SYTL5: variants seen among roughly 807,000 people sequenced by gnomAD.
The protein encoded by SYTL5 is synaptotagmin-like protein 5.
A neutral mutation model predicts 55.9 loss-of-function variants in SYTL5; 34 were observed. The ratio of observed to expected loss-of-function variants is 0.61; its 90% confidence interval spans 0.46 to 0.81. The LOEUF is 0.81. SYTL5 is among the 30% of genes least tolerant of loss of function. The pLI is 0.00. For missense variants in SYTL5, 637 were observed against 546.7 expected (o/e 1.17, Z -1.65); for synonymous variants, 221 against 188.7 (o/e 1.17, Z -1.40).
chrX:37,903,398 T>C, the SYTL5 span, among the ~76,000 whole-genome samples: 1 of 107,801 alleles, frequency 9.3e-6, no homozygotes, highest in African/African-American at 3.4e-5. Context: ...ATGTCCTTTG[T>C]AGGGACATGG....
chrX:38,100,697 G>A (rs1301622649), intron 9 of SYTL5, among the ~76,000 whole-genome samples: 3 of 111,359 alleles, frequency 2.7e-5, no homozygotes, highest in Non-Finnish European at 5.7e-5. Context: ...CTACTGGTTA[G>A]ACTGTAAATT....
At chrX:37,938,922 C>T in the SYTL5 span, among the ~76,000 whole-genome samples, 1 of 111,610 alleles carries the variant, frequency 9.0e-6, no homozygotes, top group Non-Finnish European at 1.9e-5. Flanking sequence ...TTCAAATGAG[C>T]CTGCATTAAT....
chrX:38,023,244 T>C (rs1934623021), intron 1 of SYTL5, among the ~76,000 whole-genome samples: 3 of 112,175 alleles, frequency 2.7e-5, no homozygotes, highest in Non-Finnish European at 5.6e-5. Context: ...ATCTTCCCTA[T>C]TGTTTTCTTC....
At chrX:38,111,858 G>A (rs1937368444) in intron 13 of SYTL5, among the ~76,000 whole-genome samples, 1 of 112,174 alleles carries the variant, frequency 8.9e-6, no homozygotes, top group Middle Eastern at 4.6e-3. Context: ...ATATACCCTG[G>A]TTCTGAAGAA....
chrX:37,987,181 C>CTTAAAATAACAT, the SYTL5 span, among the ~76,000 whole-genome samples: 1 of 111,904 alleles, frequency 8.9e-6, no homozygotes, highest in Admixed American at 9.5e-5. Context: ...AAATTACATC[C>CTTAAAATAACAT]TTAAAATAAC....
intron 3 of SYTL5, among the ~76,000 whole-genome samples, chrX:38,071,395 C>T (rs35712336): frequency 0.049 from 5,511 of 111,403 alleles, 114 homozygotes; most frequent in Middle Eastern, 0.088. Context: ...ACTTCCACCA[C>T]CTATGATCTG....
intron 2 of SYTL5, among the ~76,000 whole-genome samples, chrX:38,037,504 TA>T (rs1935139931): frequency 8.9e-6 from 1 of 111,980 alleles, no homozygotes; most frequent in South Asian, 3.7e-4. Flanking sequence ...AGCATTAAAA[TA>T]AAGAATTTTG....
At chrX:38,115,152 A>G (rs1027260464) in intron 13 of SYTL5, among the ~76,000 whole-genome samples, 1 of 111,824 alleles carries the variant, frequency 8.9e-6, no homozygotes, top group African/African-American at 3.3e-5. Flanking sequence ...ATTGTGAATC[A>G]CGCTGCAATG....
At chrX:37,895,681 A>T in the SYTL5 span, among the ~76,000 whole-genome samples, 1 of 109,647 alleles carries the variant, frequency 9.1e-6, no homozygotes, top group Admixed American at 9.9e-5. Flanking sequence ...GGAAAAGAAA[A>T]GAAAAAAACG....
At chrX:37,943,533 A>G in the SYTL5 span, among the ~76,000 whole-genome samples, 51 of 111,546 alleles carry the variant, frequency 4.6e-4, no homozygotes, top group East Asian at 0.013. Flanking sequence ...GACCAACTCA[A>G]CATAACTCCT....
chrX:37,942,408 A>G, the SYTL5 span, among the ~76,000 whole-genome samples: 151 of 111,915 alleles, frequency 1.3e-3, no homozygotes, highest in South Asian at 0.015. Flanking sequence ...TAGTTCTTCA[A>G]TGCATTATGG....
chrX:37,960,602 G>A, the SYTL5 span, among the ~76,000 whole-genome samples: 1 of 110,070 alleles, frequency 9.1e-6, no homozygotes, highest in Non-Finnish European at 1.9e-5. Context: ...TTTACTGTCC[G>A]TATTTTTATC....
At chrX:38,126,012 A>G (rs1244352998) in intron 16 of SYTL5, among the ~76,000 whole-genome samples, 1 of 111,853 alleles carries the variant, frequency 8.9e-6, no homozygotes, top group East Asian at 2.8e-4. Flanking sequence ...GAAACCCACC[A>G]CTGGTGCCAC....
At chrX:38,064,807 A>G (rs1186778445) in intron 3 of SYTL5, among the ~76,000 whole-genome samples, 2 of 111,110 alleles carry the variant, frequency 1.8e-5, no homozygotes, top group Non-Finnish European at 3.8e-5. Flanking sequence ...TGCTACATAC[A>G]TTACATATGT....
At chrX:37,906,474 G>T in the SYTL5 span, 1 of 111,638 alleles carries the variant, frequency 9.0e-6, no homozygotes, top group Non-Finnish European at 1.9e-5. Context: ...GTGGGGACAG[G>T]AGAGCCAGAG....
At chrX:37,955,011 G>A in the SYTL5 span, among the ~76,000 whole-genome samples, 12 of 110,531 alleles carry the variant, frequency 1.1e-4, no homozygotes, top group African/African-American at 3.6e-4. Context: ...TCAATAGCAG[G>A]AAATATTTTG....
the SYTL5 span, among the ~76,000 whole-genome samples, chrX:37,939,951 C>T: frequency 9.0e-6 from 1 of 111,548 alleles, no homozygotes; most frequent in Non-Finnish European, 1.9e-5. Context: ...CTGCCTCAGC[C>T]TCCTTGAATA....
At chrX:38,004,457 A>G (rs1458675786), upstream of SYTL5, among the ~76,000 whole-genome samples, 1 of 111,871 alleles carries the variant, frequency 8.9e-6, no homozygotes. Context: ...CAGTATATTC[A>G]AGAGATATCT....
At chrX:37,918,835 C>A in the SYTL5 span, among the ~76,000 whole-genome samples, 2 of 110,913 alleles carry the variant, frequency 1.8e-5, no homozygotes, top group Non-Finnish European at 3.8e-5. Context: ...TCACTGACAT[C>A]CAGCACAAAG....
Sources: gnomAD v4.1 joint callset for allele counts (sites outside exome capture counted in the v4.1 genomes callset) on GRCh38, gnomAD v4.1.1 for gene constraint, MANE v1.5 for transcripts, NCBI Gene and HGNC (gene_info 2026-07-23, HGNC 2026-07-21) for gene names.